VGLL4: variants seen among roughly 807,000 people sequenced by gnomAD.
VGLL4 encodes transcription cofactor vestigial-like protein 4.
Under a neutral mutation model 21.0 loss-of-function variants are expected in VGLL4, and 7 were observed. The ratio of observed to expected loss-of-function variants is 0.33; its 90% CI spans 0.19 to 0.63. The LOEUF (loss-of-function observed/expected upper bound fraction) is 0.63, where lower values mean the gene tolerates loss of function less well. VGLL4 is among the 20% of genes least tolerant of loss of function. VGLL4 has a pLI of 0.78. For missense variants in VGLL4, 394 were observed against 425.7 expected, an observed-to-expected ratio of 0.93 and a Z score of 0.66; for synonymous variants, 222 against 173.2, an observed-to-expected ratio of 1.28 and a Z score of -2.21.
At chr3:11,659,833 A>G (rs1236620342) in intron 2 of VGLL4, among the ~76,000 whole-genome samples, 1 of 152,206 alleles carries the variant, frequency 6.6e-6, no homozygotes. Flanking sequence ...CTGATTACTA[A>G]GAACAAGAGT....
At chr3:11,622,910 T>C (rs1038451673) in intron 1 of VGLL4, among the ~76,000 whole-genome samples, 1 of 152,246 alleles carries the variant, frequency 6.6e-6, no homozygotes. Context: ...GGAAAGGCTC[T>C]TGTATTTCCT....
At chr3:11,702,745 C>CAAAAAAAAAAAAA (rs372702459) in intron 2 of VGLL4, 1 of 182,422 alleles carries the variant, frequency 5.5e-6, no homozygotes, top group Non-Finnish European at 1.1e-5. Context: ...AAAAAAAAAA[C>CAAAAAAAAAAAAA]AAAAAAAAAA....
intron 1 of VGLL4, chr3:11,604,224 T>A: frequency 3.4e-5 from 10 of 291,922 alleles, no homozygotes; most frequent in Non-Finnish European, 5.0e-5. Flanking sequence ...CTGTAGTACT[T>A]CAGCATCTCA....
rs540256116 is a variant in VGLL4, at chr3:11,568,538, C to T, written c.273-3519G>A. The T allele has an allele frequency of 9.0e-6, 14 of 1,548,706 alleles. No individual in the cohort carries two copies. Among genetic ancestry groups the T allele is most frequent in the Non-Finnish European group, 6.1e-6 (7 of 1,144,070 alleles). On this transcript the variant is annotated intron_variant, in intron 2 of 4. Transcript: ENST00000430365. The surrounding 1 kb of genome is among the most constrained non-coding windows in gnomAD (Gnocchi z 5.9). ...GGGCACTATGGGTCAGACAAAGACA[C>T]TGAAAACAGCGAGAAAAGGCCTGGA...
intron 2 of VGLL4, among the ~76,000 whole-genome samples, chr3:11,577,458 T>A (rs1372685615): frequency 1.3e-5 from 2 of 151,982 alleles, no homozygotes; most frequent in Non-Finnish European, 2.9e-5. Context: ...CCAAGTGTGG[T>A]GGTGCATGCC....
chr3:11,560,688 A>AG (rs1197915522), intron 3 of VGLL4, among the ~76,000 whole-genome samples: 1 of 152,140 alleles, frequency 6.6e-6, no homozygotes, highest in Non-Finnish European at 1.5e-5. Context: ...ATGCCAGGGT[A>AG]GGGGGGGATG....
intron 2 of VGLL4, among the ~76,000 whole-genome samples, chr3:11,694,803 C>G (rs1216350131): frequency 1.3e-5 from 2 of 152,108 alleles, no homozygotes; most frequent in African/African-American, 4.8e-5. Flanking sequence ...ACTAACATTA[C>G]AGAACCAAAT....
chr3:11,676,334 C>T (rs1436503004), intron 2 of VGLL4, among the ~76,000 whole-genome samples: 2 of 151,512 alleles, frequency 1.3e-5, no homozygotes, highest in Non-Finnish European at 2.9e-5. Flanking sequence ...TTGCAGTGAG[C>T]CGAGATTGCA....
chr3:11,594,166 C>T lies in VGLL4; in HGVS notation c.272+7667G>A, dbSNP rs2074577075. On this transcript the variant is annotated intron_variant, in intron 2 of 4. Transcript: ENST00000430365. ...AGTGTCATCTTAAATACATGATGTG[C>T]ACCTCTAAAGCTGCATGTAATTCCC... Among the ~76,000 whole-genome samples the T allele has an allele frequency of 2.0e-5, 3 of 152,184 alleles. No individual in the cohort carries two copies. In the South Asian group the frequency reaches 6.2e-4, roughly 31 times the overall value.
At chr3:11,572,743 AAC>A (rs1204232750) in intron 2 of VGLL4, among the ~76,000 whole-genome samples, 1 of 152,110 alleles carries the variant, frequency 6.6e-6, no homozygotes, top group Non-Finnish European at 1.5e-5. Context: ...CCCATGTTCC[AAC>A]ACAGAGACCT....
rs771000362 is a variant in VGLL4, at chr3:11,558,612, C to T, written c.835G>A (p.Ala279Thr). The T allele has an allele frequency of 2.7e-5, 43 of 1,606,836 alleles. No homozygotes were observed. Among genetic ancestry groups the T allele is most frequent in the Non-Finnish European group, 3.5e-5 (41 of 1,179,958 alleles). Reference protein sequence around the residue: ...PESASRRGQPASPSAHMVSHS... With the variant: ...PESASRRGQPTSPSAHMVSHS... ...CTGACCATGTGGGCAGAGGGGCTGG[C>T]GGGCTGGCCCCTGCGAGAGGCGGAC... The change falls in exon 5 of 5, where the codon GCC becomes ACC. Residue 279 changes from alanine (A) to threonine (T), a missense_variant. By Grantham distance (58) the Ala-to-Thr change is moderately conservative (BLOSUM62 0). Transcript: ENST00000430365.
rs200172094 is a variant in VGLL4 at position 11,664,933 on chromosome 3, AT to A, written c.64+38037del. Among the ~76,000 whole-genome samples, 1,437 of 145,272 alleles carry A rather than the reference AT, an allele frequency of 9.9e-3. 11 individuals are homozygous for A. The highest frequency in any genetic ancestry group is 0.027 in the East Asian group (134 of 5,012). On this transcript the variant is annotated intron_variant, in intron 2 of 5. Coordinates refer to the VGLL4 transcript ENST00000273038. ...CAGGCATCCCAATTTTCTTTTCTCT[AT>A]TTTTTTTTTTGAGATAAGGTCTGGC...
At position 11,643,853 on chromosome 3, in the gene VGLL4, A is replaced by T. The variant is rs1458662916; in HGVS notation, c.-335T>A. 1 of 1,035,806 alleles carries T rather than the reference A, an allele frequency of 9.7e-7. No individual in the cohort carries two copies. The highest frequency in any genetic ancestry group is 1.7e-5 in the African/African-American group (1 of 58,380). The allele number at this position is 1,035,806 out of a possible 1,614,324, so 64.2% of individuals were successfully genotyped here. A position where few individuals can be genotyped will look rare whatever the true frequency, so the allele number is the denominator to read the frequency against. On this transcript the variant is annotated 5_prime_UTR_variant, in exon 1 of 5. Coordinates refer to ENST00000430365, the MANE Select transcript of VGLL4 (RefSeq NM_001128219.3). Reference sequence around the variant, plus strand: ...AGAAACGCGCAGCCCGTTTCCTAGGACAAAGCGGCGCCGGCCCCTCTCACA... The same window carrying T: ...AGAAACGCGCAGCCCGTTTCCTAGGTCAAAGCGGCGCCGGCCCCTCTCACA...
At position 11,653,865 on chromosome 3, in the gene VGLL4, G is replaced by C. The variant is rs904684165; in HGVS notation, c.64+49106C>G. Among the ~76,000 whole-genome samples, 3 of 152,176 alleles carry C rather than the reference G, an allele frequency of 2.0e-5. No individual in the cohort carries two copies. Among genetic ancestry groups the C allele is most frequent in the African/African-American group, 7.2e-5 (3 of 41,436 alleles). The stretch of plus-strand genomic sequence containing the variant: ...TTACTTCGCACTTCTCTGATGGACA[G>C]TAAGAACTCTGTGACACTTGTAGCA... On this transcript the variant is annotated intron_variant, in intron 2 of 5. Coordinates refer to the VGLL4 transcript ENST00000273038. The surrounding 1 kb of genome is among the most constrained non-coding windows in gnomAD (Gnocchi z 4.2).
At chr3:11,573,492 A>C (rs1035680858) in intron 2 of VGLL4, among the ~76,000 whole-genome samples, 4 of 152,138 alleles carry the variant, frequency 2.6e-5, no homozygotes, top group Non-Finnish European at 5.9e-5. Context: ...CAGGTCATCC[A>C]CCTTCGACTT....
rs2072678420 is a variant in VGLL4, at chr3:11,558,819, T to C, written c.628A>G (p.Thr210Ala). Residue 210 changes from threonine (T) to alanine (A), a missense_variant, in exon 5 of 5, where the codon ACC becomes GCC. Physicochemically the swap from Thr to Ala is moderately conservative, Grantham distance 58. Coordinates refer to ENST00000430365, the MANE Select transcript of VGLL4 (RefSeq NM_001128219.3). ...SYRRPPSAAT[T>A]CDPVVEEHFR... ...TGCTCCTCCACCACGGGGTCACAGG[T>C]GGTGGCAGCTGCAGGCAAGCAGGAA... The C allele has an allele frequency of 4.3e-6, 7 of 1,610,416 alleles. No homozygotes were observed. The highest frequency in any genetic ancestry group is 1.8e-4 in the Middle Eastern group (1 of 5,586).
At chr3:11,635,843 T>TA (rs2075576457) in intron 1 of VGLL4, among the ~76,000 whole-genome samples, 1 of 152,226 alleles carries the variant, frequency 6.6e-6, no homozygotes, top group African/African-American at 2.4e-5. Flanking sequence ...CGGTAGAACT[T>TA]AAAGCCTGGC....
chr3:11,583,830 C>G (rs2074298141), intron 2 of VGLL4, among the ~76,000 whole-genome samples: 1 of 152,222 alleles, frequency 6.6e-6, no homozygotes, highest in Admixed American at 6.5e-5. Flanking sequence ...GGCTGACTCC[C>G]CCAAGCATAC....
rs184017207 is a variant in VGLL4 at position 11,668,010 on chromosome 3, C to T, written c.64+34961G>A. On this transcript the variant is annotated intron_variant, in intron 2 of 5. Coordinates refer to the VGLL4 transcript ENST00000273038. ...GTGGGATTACAGGCACACACCACCA[C>T]GCCTGGCTAATTTTTGTATTTTTTT... Among the ~76,000 whole-genome samples, 368 of 151,786 alleles carry T rather than the reference C, an allele frequency of 2.4e-3. 2 individuals are homozygous for T. The Middle Eastern group carries it at 0.027, about 11-fold the overall frequency.
Sources: gnomAD v4.1 joint callset for allele counts (sites outside exome capture counted in the v4.1 genomes callset) on GRCh38, gnomAD v4.1.1 for gene constraint, Gnocchi (gnomAD v3.1) non-coding constraint, MANE v1.5 for transcripts, NCBI Gene and HGNC (gene_info 2026-07-23, HGNC 2026-07-21) for gene names.